Variants in DIAPH2 observed in about 807,000 individuals in gnomAD.
DIAPH2 encodes protein diaphanous homolog 2.
DIAPH2 carries 35 observed loss-of-function variants against 92.7 expected under a neutral mutation model. The observed-to-expected ratio is 0.38, with a 90% confidence interval of 0.29 to 0.50. The LOEUF (loss-of-function observed/expected upper bound fraction) is 0.50. Among genes scored for constraint, DIAPH2 ranks in the 20% least tolerant of loss-of-function variants. DIAPH2 has a pLI of 0.94. For missense variants in DIAPH2, 701 were observed against 819.5 expected (o/e 0.86, Z 1.77); for synonymous variants, 301 against 280.4 (o/e 1.07, Z -0.73).
At chrX:97,383,470 G>A (rs2042039842) in intron 24 of DIAPH2, among the ~76,000 whole-genome samples, 1 of 109,178 alleles carries the variant, frequency 9.2e-6, no homozygotes. Context: ...ACACAATAAA[G>A]GGGATAAAAT....
intron 15 of DIAPH2, among the ~76,000 whole-genome samples, 164 bp from the exon 16 acceptor site, chrX:96,957,664 C>T (rs1422840646): frequency 9.1e-6 from 1 of 110,480 alleles, no homozygotes; most frequent in Admixed American, 9.6e-5. Flanking sequence ...ACTGTTAAAC[C>T]CTTAGATCTT....
At chrX:96,754,139 T>C (rs1210793773) in intron 3 of DIAPH2, among the ~76,000 whole-genome samples, 2 of 112,021 alleles carry the variant, frequency 1.8e-5, no homozygotes, top group Non-Finnish European at 3.8e-5. Flanking sequence ...AAATGACACA[T>C]GACCGCTAGA....
intron 25 of DIAPH2, among the ~76,000 whole-genome samples, chrX:97,405,218 C>T (rs538113527): frequency 1.8e-5 from 2 of 112,131 alleles, no homozygotes; most frequent in South Asian, 3.7e-4. Flanking sequence ...TTCACAAGCT[C>T]TGCTTAAGCT....
intron 3 of DIAPH2, among the ~76,000 whole-genome samples, chrX:96,755,852 T>TTTTC (rs1176162207): frequency 9.1e-6 from 1 of 109,692 alleles, no homozygotes; most frequent in African/African-American, 3.3e-5. Context: ...TTTTTTTGCT[T>TTTTC]TTTCTTTCTT....
At chrX:97,243,769 C>T (rs746109261) in intron 22 of DIAPH2, among the ~76,000 whole-genome samples, 5 of 111,743 alleles carry the variant, frequency 4.5e-5, no homozygotes, top group Admixed American at 9.6e-5. Context: ...TCCCTGCTCT[C>T]TTTCTCTACT....
chrX:97,368,373 C>T (rs2069403719), intron 24 of DIAPH2, among the ~76,000 whole-genome samples: 2 of 112,095 alleles, frequency 1.8e-5, no homozygotes, highest in African/African-American at 6.5e-5. Flanking sequence ...ACGTTCAGCA[C>T]TTCTTTTATT....
intron 5 of DIAPH2, among the ~76,000 whole-genome samples, chrX:96,887,975 GTGTGTGTA>G: frequency 9.1e-6 from 1 of 110,294 alleles, no homozygotes; most frequent in Middle Eastern, 4.7e-3. Context: ...GTGTATGTGT[GTGTGTGTA>G]TGTGTGTGTG....
intron 26 of DIAPH2, among the ~76,000 whole-genome samples, chrX:97,518,092 G>A (rs1602644045): frequency 8.9e-6 from 1 of 112,255 alleles, no homozygotes; most frequent in Non-Finnish European, 1.9e-5. Flanking sequence ...AATCAAATGA[G>A]CAGAAGGCTT....
intron 17 of DIAPH2, among the ~76,000 whole-genome samples, chrX:96,976,817 AATAATT>A (rs1408184802): frequency 1.8e-5 from 2 of 111,383 alleles, no homozygotes; most frequent in African/African-American, 6.5e-5. Flanking sequence ...CAATAATAGT[AATAATT>A]ATAATTAAAA....
chrX:96,882,177 A>C (rs1342456638), intron 5 of DIAPH2, among the ~76,000 whole-genome samples: 1 of 109,280 alleles, frequency 9.2e-6, no homozygotes, highest in Non-Finnish European at 1.9e-5. Context: ...CAGCCTCCTG[A>C]GTAGCTGGGA....
chrX:97,090,920 C>A (rs2066820317), intron 19 of DIAPH2, among the ~76,000 whole-genome samples: 1 of 111,904 alleles, frequency 8.9e-6, no homozygotes, highest in African/African-American at 3.2e-5. Flanking sequence ...CAGAAGAAAC[C>A]ACTATTCTGA....
intron 3 of DIAPH2, among the ~76,000 whole-genome samples, chrX:96,754,525 T>A (rs1214312915): frequency 9.0e-6 from 1 of 111,514 alleles, no homozygotes; most frequent in Non-Finnish European, 1.9e-5. Flanking sequence ...ATTATTTTGT[T>A]GTACATATTT....
intron 25 of DIAPH2, among the ~76,000 whole-genome samples, chrX:97,422,666 T>C (rs928670818): frequency 3.6e-5 from 4 of 111,950 alleles, no homozygotes; most frequent in Admixed American, 1.9e-4. Context: ...TAGGAAATGA[T>C]TTTTATAGTA....
chrX:97,092,106 G>A (rs777265984), intron 19 of DIAPH2, among the ~76,000 whole-genome samples: 29 of 112,155 alleles, frequency 2.6e-4, no homozygotes, highest in Admixed American at 4.7e-4. Context: ...ATGTTCCTAC[G>A]ATAGTCTTGG....
intron 15 of DIAPH2, among the ~76,000 whole-genome samples, chrX:96,955,472 T>C (rs1441888989): frequency 9.0e-6 from 1 of 111,294 alleles, no homozygotes; most frequent in Non-Finnish European, 1.9e-5. Flanking sequence ...AACACAATCA[T>C]GCCCTTCCAA....
At chrX:96,925,196 T>G (rs2065572679) in intron 9 of DIAPH2, among the ~76,000 whole-genome samples, 1 of 110,675 alleles carries the variant, frequency 9.0e-6, no homozygotes. Context: ...TTCAGCTGCC[T>G]CCTGACTAGA....
chrX:96,797,223 G>C (rs939739264), intron 4 of DIAPH2, among the ~76,000 whole-genome samples: 2 of 110,378 alleles, frequency 1.8e-5, no homozygotes, highest in Non-Finnish European at 3.8e-5. Flanking sequence ...GCTCACGCCT[G>C]TAATCCCAGC....
At chrX:96,691,865 C>T (rs1001587074) in intron 1 of DIAPH2, among the ~76,000 whole-genome samples, 2 of 111,526 alleles carry the variant, frequency 1.8e-5, no homozygotes, top group African/African-American at 6.5e-5. Flanking sequence ...GGAATTATTC[C>T]GAAATGGCTG....
intron 21 of DIAPH2, among the ~76,000 whole-genome samples, chrX:97,139,599 C>T (rs1159526025): frequency 2.7e-5 from 3 of 110,487 alleles, no homozygotes; most frequent in Non-Finnish European, 5.7e-5. Flanking sequence ...GAAATACATG[C>T]ATAGTCTGTC....
Sources: allele counts gnomAD v4.1 joint callset (sites outside exome capture counted in the v4.1 genomes callset), GRCh38; gene constraint gnomAD v4.1.1; transcripts MANE v1.5; gene names NCBI Gene and HGNC (gene_info 2026-07-23, HGNC 2026-07-21).